The following CPNE4 variants were observed in gnomAD, a reference collection of about 807,000 sequenced individuals.
CPNE4 encodes copine 4.
Under a neutral mutation model 67.9 loss-of-function variants are expected in CPNE4, and 25 were observed. The observed-to-expected ratio is 0.37, with a 90% CI of 0.27 to 0.51. The LOEUF (loss-of-function observed/expected upper bound fraction) is 0.51, where lower values mean the gene tolerates loss of function less well. CPNE4 is among the 20% of genes least tolerant of loss of function. The pLI, the probability that CPNE4 is intolerant of heterozygous loss-of-function variation, is 0.93. For missense variants in CPNE4, 464 were observed against 690.8 expected (o/e 0.67, Z 3.68); for synonymous variants, 242 against 244.9 (o/e 0.99, Z 0.11).
At chr3:131,579,665 G>A (rs1211408017) in intron 9 of CPNE4, among the ~76,000 whole-genome samples, 1 of 152,210 alleles carries the variant, frequency 6.6e-6, no homozygotes, top group African/African-American at 2.4e-5. Flanking sequence ...CCTCTAGGAT[G>A]ACCTTGAGGA....
chr3:132,025,031 A>T lies in CPNE4; in HGVS notation c.-2+9536T>A, dbSNP rs573272176. On this transcript the variant is annotated intron_variant, in intron 1 of 15. Transcript: ENST00000429747. ...ATTATTTTACTCCTACCCTAGACCC[A>T]CTGAGTTAGAAATTCCACAGGAAGG... 5.9e-5 allele frequency among the ~76,000 whole-genome samples: 9 copies of T among 152,294 alleles called. No homozygotes were observed. In the South Asian group the frequency reaches 1.5e-3, roughly 25 times the overall value.
chr3:131,988,196 G>A (rs2073099656), intron 1 of CPNE4, among the ~76,000 whole-genome samples: 1 of 152,134 alleles, frequency 6.6e-6, no homozygotes. Flanking sequence ...AGAACAGGGT[G>A]AAGTTGAGTT....
chr3:131,933,983 G>A (rs902205487), intron 1 of CPNE4, among the ~76,000 whole-genome samples: 2 of 152,070 alleles, frequency 1.3e-5, no homozygotes, highest in African/African-American at 4.8e-5. Flanking sequence ...AAGGAAAAGT[G>A]GTTATGTGAA....
At chr3:131,675,806 A>G (rs930783157) in intron 6 of CPNE4, among the ~76,000 whole-genome samples, 1 of 151,670 alleles carries the variant, frequency 6.6e-6, no homozygotes, top group African/African-American at 2.4e-5. Context: ...ATTCAATGTT[A>G]TTATCGATAG....
intron 2 of CPNE4, among the ~76,000 whole-genome samples, chr3:131,820,101 T>A (rs1006970293): frequency 7.2e-5 from 11 of 152,192 alleles, no homozygotes; most frequent in Non-Finnish European, 1.3e-4. Context: ...TCTCAGAATT[T>A]TCCTAAAACA....
chr3:131,951,180 G>GTTT (rs1465772910), intron 1 of CPNE4, among the ~76,000 whole-genome samples: 5 of 152,096 alleles, frequency 3.3e-5, no homozygotes, highest in Non-Finnish European at 5.9e-5. Context: ...TTTAAGAGAT[G>GTTT]TTTTGTGATT....
rs114238007 is a variant in CPNE4 at position 131,653,026 on chromosome 3, T to C, written c.681+16649A>G. ...TACCATTTTTCATCCACGTGACCAA[T>C]AGAAGAATCAGGGTTAAGTCTTTCC... is the stretch of plus-strand genomic sequence containing the variant. On this transcript the variant is annotated intron_variant, in intron 7 of 15. Coordinates refer to ENST00000429747, the MANE Select transcript of CPNE4 (RefSeq NM_130808.3). 5.4e-3 allele frequency among the ~76,000 whole-genome samples: 823 copies of C among 152,258 alleles called. 8 individuals are homozygous for C. Among genetic ancestry groups the C allele is most frequent in the African/African-American group, 0.019 (780 of 41,542 alleles).
At chr3:131,651,852 G>A (rs1413089748) in intron 7 of CPNE4, among the ~76,000 whole-genome samples, 1 of 152,144 alleles carries the variant, frequency 6.6e-6, no homozygotes, top group Non-Finnish European at 1.5e-5. Flanking sequence ...TCCCGGGGAA[G>A]TAATTTTTCC....
At chr3:131,595,132 G>A (rs1391328216) in intron 7 of CPNE4, among the ~76,000 whole-genome samples, 1 of 152,142 alleles carries the variant, frequency 6.6e-6, no homozygotes, top group Admixed American at 6.5e-5. Flanking sequence ...TAAAATGGTG[G>A]AGCAGCTATG....
chr3:131,638,869 C>A (rs578223563), intron 7 of CPNE4, among the ~76,000 whole-genome samples: 15 of 152,136 alleles, frequency 9.9e-5, no homozygotes, highest in Admixed American at 5.2e-4. Flanking sequence ...CAAAAGGAAC[C>A]CTCAAAACGA....
chr3:131,710,914 C>T (rs2081542155), intron 3 of CPNE4, among the ~76,000 whole-genome samples: 1 of 152,148 alleles, frequency 6.6e-6, no homozygotes, highest in Admixed American at 6.6e-5. Flanking sequence ...TAAGCCCTTC[C>T]TTTGCCACTT....
intron 6 of CPNE4, among the ~76,000 whole-genome samples, chr3:131,672,547 T>A (rs1055298036): frequency 2.6e-5 from 4 of 152,180 alleles, no homozygotes; most frequent in African/African-American, 9.6e-5. Context: ...GTGAGTGCTA[T>A]CTCATTGCAG....
intron 1 of CPNE4, among the ~76,000 whole-genome samples, chr3:131,958,628 TTTTTTTTTTTTTTTG>T (rs2072059540): frequency 7.6e-6 from 1 of 131,262 alleles, no homozygotes; most frequent in African/African-American, 3.1e-5. Flanking sequence ...TTTTTTTTTT[TTTTTTTTTTTTTTTG>T]AGACAGAGTC....
At chr3:131,935,415 T>C (rs751802837) in intron 1 of CPNE4, among the ~76,000 whole-genome samples, 6 of 152,106 alleles carry the variant, frequency 3.9e-5, no homozygotes, top group Non-Finnish European at 8.8e-5. Context: ...AAGTGGGATG[T>C]TTTAATTAGC....
chr3:132,021,749 C>T (rs2074001262), intron 1 of CPNE4, among the ~76,000 whole-genome samples: 1 of 152,162 alleles, frequency 6.6e-6, no homozygotes, highest in Non-Finnish European at 1.5e-5. Context: ...TAATTTACCT[C>T]AAACCTCCCC....
chr3:131,795,017 T>C lies in CPNE4; in HGVS notation c.181-71392A>G, dbSNP rs534662898. 3.3e-5 allele frequency among the ~76,000 whole-genome samples: 5 copies of C among 152,348 alleles called. No homozygotes were observed. In the South Asian group the frequency reaches 6.2e-4, roughly 19 times the overall value. The stretch of plus-strand genomic sequence containing the variant: ...TGTCGTGGCTTAGCCATGGCAGTAC[T>C]ACTATTTTGGTTAGTTGTTTATTGC... On this transcript the variant is annotated intron_variant, in intron 2 of 15. Coordinates refer to ENST00000429747, the MANE Select transcript of CPNE4 (RefSeq NM_130808.3).
intron 2 of CPNE4, among the ~76,000 whole-genome samples, chr3:131,844,240 C>T (rs943023257): frequency 6.6e-6 from 1 of 151,758 alleles, no homozygotes; most frequent in African/African-American, 2.4e-5. Context: ...ATGAATTAGC[C>T]CAAGAATCTC....
intron 2 of CPNE4, among the ~76,000 whole-genome samples, chr3:131,786,530 T>C (rs1051208223): frequency 1.4e-4 from 22 of 152,148 alleles, no homozygotes; most frequent in African/African-American, 5.3e-4. Context: ...AATAACTCCA[T>C]GAGATAAACA....
chr3:131,734,292 GA>G (rs1250506034), intron 2 of CPNE4, among the ~76,000 whole-genome samples: 1 of 152,168 alleles, frequency 6.6e-6, no homozygotes, highest in Non-Finnish European at 1.5e-5. Flanking sequence ...AAAAAGGTAG[GA>G]TTGTAGATGT....
Sources: allele counts gnomAD v4.1 joint callset (sites outside exome capture counted in the v4.1 genomes callset), GRCh38; gene constraint gnomAD v4.1.1; transcripts MANE v1.5; gene names NCBI Gene and HGNC (gene_info 2026-07-23, HGNC 2026-07-21).